The following CNTN6 variants were observed in gnomAD, a reference collection of about 807,000 sequenced individuals.
The protein encoded by CNTN6 is contactin 6.
CNTN6 carries 137 observed loss-of-function variants against 122.8 expected under a neutral mutation model. That is an observed-to-expected ratio of 1.12 (90% CI 0.97 to 1.29). The LOEUF is 1.29. Ranked by LOEUF, CNTN6 falls within the 50% of genes most tolerant of loss-of-function variation. The pLI, the probability that CNTN6 is intolerant of heterozygous loss-of-function variation, is 0.00. For missense variants in CNTN6, 1,634 were observed against 1,223.4 expected (o/e 1.34, Z -5.01); for synonymous variants, 570 against 426.0 (o/e 1.34, Z -4.16).
chr3:1,279,406 G>T (rs1692980412), intron 5 of CNTN6, among the ~76,000 whole-genome samples: 1 of 152,086 alleles, frequency 6.6e-6, no homozygotes. Flanking sequence ...CTTAATAACA[G>T]CAAGGACTTA....
At chr3:1,214,298 TG>T (rs2094095067) in intron 2 of CNTN6, among the ~76,000 whole-genome samples, 2 of 131,090 alleles carry the variant, frequency 1.5e-5, no homozygotes, top group African/African-American at 5.9e-5. Flanking sequence ...GTTTGTTGGA[TG>T]TCTTTTTTTT....
chr3:1,362,673 T>C (rs1301551469), intron 12 of CNTN6, among the ~76,000 whole-genome samples: 1 of 152,030 alleles, frequency 6.6e-6, no homozygotes, highest in African/African-American at 2.4e-5. Context: ...ATATAGTGAA[T>C]AACTTTTAAC....
chr3:1,372,305 C>G lies in CNTN6; in HGVS notation c.1499C>G (p.Thr500Ser). The G allele has an allele frequency of 1.9e-6, 3 of 1,599,316 alleles. No homozygotes were observed. The South Asian group carries it at 3.4e-5, about 18-fold the overall frequency. The stretch of plus-strand genomic sequence containing the variant: ...TAATTTTTTTTCTCAACAGAGAGAA[C>G]TGTCATTACCGTCCCACCTTCCAAA... ...NTGSLIVKERTVITVPPSKMD... is the reference protein window; with the variant it reads ...NTGSLIVKERSVITVPPSKMD... Residue 500 changes from threonine to serine, a missense_variant, in exon 13 of 23, where the codon ACT (threonine) becomes AGT (serine). Coordinates refer to ENST00000446702, the MANE Select transcript of CNTN6 (RefSeq NM_001289080.2).
intron 12 of CNTN6, among the ~76,000 whole-genome samples, chr3:1,360,567 TTCTA>T (rs1324488991): frequency 1.3e-5 from 2 of 152,030 alleles, no homozygotes; most frequent in African/African-American, 2.4e-5. Context: ...TCTATACACA[TTCTA>T]TATATTCTAT....
chr3:1,169,311 T>C (rs951450322), intron 2 of CNTN6, among the ~76,000 whole-genome samples: 3 of 152,190 alleles, frequency 2.0e-5, no homozygotes, highest in Non-Finnish European at 4.4e-5. Flanking sequence ...AGCTAGAGGC[T>C]GTGGTCAGGT....
intron 2 of CNTN6, among the ~76,000 whole-genome samples, chr3:1,209,764 G>A (rs1323438428): frequency 6.6e-6 from 1 of 151,882 alleles, no homozygotes; most frequent in Non-Finnish European, 1.5e-5. Flanking sequence ...ATCAAAATCA[G>A]TATCTTTATA....
At chr3:1,394,577 A>G (rs1215285941) in intron 20 of CNTN6, 1 of 152,032 alleles carries the variant, frequency 6.6e-6, no homozygotes, top group Admixed American at 6.6e-5. Flanking sequence ...GTCGCTCTGT[A>G]TATATTCTAT....
chr3:1,268,594 G>C lies in CNTN6; in HGVS notation c.359-9819G>C, dbSNP rs113195050. Among the ~76,000 whole-genome samples, 261 of 130,962 alleles carry C rather than the reference G, an allele frequency of 2.0e-3. 4 individuals carry two copies. The highest frequency in any genetic ancestry group is 7.5e-3 in the African/African-American group (245 of 32,664). 85.9% of individuals were successfully genotyped at this position (130,962 alleles called of 152,430 possible). A position where few individuals can be genotyped will look rare whatever the true frequency, so the allele number is the denominator to read the frequency against. On this transcript the variant is annotated intron_variant, in intron 4 of 22. Coordinates refer to ENST00000446702, the MANE Select transcript of CNTN6 (RefSeq NM_001289080.2). ...TGCACTCCAGCCTGGGCGACAGAGC[G>C]AGACTCCGTCTCAAAAAAAAAAAAA...
At position 1,176,208 on chromosome 3, in the gene CNTN6, G is replaced by A. The variant is rs1290845878; in HGVS notation, c.55+28145G>A. The stretch of plus-strand genomic sequence containing the variant: ...CGGGGCGGGCGGATCAACTAAGGTC[G>A]GGAGTTTGAGACCAGCCTGACCAAC... On this transcript the variant is annotated intron_variant, in intron 2 of 22. Transcript: ENST00000446702. Among the ~76,000 whole-genome samples, 12 of 152,054 alleles carry A rather than the reference G, an allele frequency of 7.9e-5. No individual in the cohort carries two copies. The East Asian group carries it at 1.4e-3, about 17-fold the overall frequency.
Position 1,220,879 on chromosome 3 carries a change from A to C in CNTN6, c.182+66A>C, listed in dbSNP as rs1329833833. ...CTCACTGAACCAAAACATACACAAAATAAAGTGTTTTATAAAATGTCCTAA... is the reference window on the plus strand; with the variant it reads ...CTCACTGAACCAAAACATACACAAACTAAAGTGTTTTATAAAATGTCCTAA... On this transcript the variant is annotated intron_variant, in intron 3 of 22. Transcript: ENST00000446702. 3.4e-6 allele frequency: 5 copies of C among 1,483,010 alleles called. No homozygotes were observed. The Admixed American group carries it at 1.1e-4, about 34-fold the overall frequency. 91.9% of individuals were successfully genotyped at this position (1,483,010 alleles called of 1,614,324 possible).
intron 4 of CNTN6, among the ~76,000 whole-genome samples, chr3:1,254,407 G>T (rs1299755764): frequency 1.3e-5 from 2 of 152,094 alleles, no homozygotes; most frequent in Non-Finnish European, 2.9e-5. Flanking sequence ...TATTTCATTG[G>T]ATTAATGAAA....
chr3:1,369,931 AT>A, intron 12 of CNTN6, among the ~76,000 whole-genome samples: 1 of 151,406 alleles, frequency 6.6e-6, no homozygotes, highest in Non-Finnish European at 1.5e-5. Flanking sequence ...TTCTTCATAC[AT>A]TTTATTTCAG....
At chr3:1,355,453 G>A (rs1238742157) in intron 12 of CNTN6, among the ~76,000 whole-genome samples, 3 of 151,552 alleles carry the variant, frequency 2.0e-5, no homozygotes, top group South Asian at 2.1e-4. Flanking sequence ...TCACTGCCAA[G>A]GAATTATTAT....
intron 12 of CNTN6, among the ~76,000 whole-genome samples, chr3:1,370,430 A>G (rs898995902): frequency 3.9e-5 from 6 of 151,900 alleles, no homozygotes; most frequent in African/African-American, 1.5e-4. Context: ...GCACACCAAC[A>G]TGGATCCCTG....
At chr3:1,380,478 A>G (rs1422108699) in intron 17 of CNTN6, among the ~76,000 whole-genome samples, 1 of 152,184 alleles carries the variant, frequency 6.6e-6, no homozygotes, top group African/African-American at 2.4e-5. Flanking sequence ...GTATACTCCC[A>G]AATACTTCCA....
chr3:1,096,630 C>A (rs1276349872), intron 1 of CNTN6, among the ~76,000 whole-genome samples: 1 of 152,196 alleles, frequency 6.6e-6, no homozygotes, highest in Non-Finnish European at 1.5e-5. Flanking sequence ...TATTAAGGCA[C>A]AACCTTCTGT....
At chr3:1,177,779 T>A (rs1559462373) in intron 2 of CNTN6, among the ~76,000 whole-genome samples, 3 of 152,018 alleles carry the variant, frequency 2.0e-5, no homozygotes, top group Non-Finnish European at 4.4e-5. Context: ...TCGGTATATA[T>A]GTATAAATTT....
At chr3:1,392,793 A>C (rs1456185400) in intron 20 of CNTN6, among the ~76,000 whole-genome samples, 1 of 138,818 alleles carries the variant, frequency 7.2e-6, no homozygotes, top group Non-Finnish European at 1.6e-5. Context: ...GCAGCCAAAA[A>C]ACACATGAAA....
intron 1 of CNTN6, among the ~76,000 whole-genome samples, chr3:1,105,235 G>C (rs6805678): frequency 0.065 from 9,816 of 152,112 alleles, 415 homozygotes; most frequent in Non-Finnish European, 0.089. Context: ...ACAGATAACA[G>C]TATTTCAGTA....
Sources: allele counts gnomAD v4.1 joint callset (sites outside exome capture counted in the v4.1 genomes callset), GRCh38; gene constraint gnomAD v4.1.1; transcripts MANE v1.5; gene names NCBI Gene and HGNC (gene_info 2026-07-23, HGNC 2026-07-21).